Variants in PLET1 observed in about 807,000 individuals in gnomAD.
PLET1 encodes the protein placenta-expressed transcript 1 protein.
PLET1 carries 20 observed loss-of-function variants against 18.5 expected under a neutral mutation model. That is an observed-to-expected ratio of 1.08 (90% confidence interval 0.76 to 1.57). The LOEUF is 1.57. Among genes scored for constraint, PLET1 ranks in the 40% most tolerant of loss-of-function variants. The pLI, the probability that PLET1 is intolerant of heterozygous loss-of-function variation, is 0.00. For missense variants in PLET1, 256 were observed against 246.4 expected (o/e 1.04, Z -0.26); for synonymous variants, 93 against 93.8 (o/e 0.99, Z 0.05).
chr11:112,258,760 C>G (rs1860254061), intron 1 of PLET1, among the ~76,000 whole-genome samples: 1 of 152,194 alleles, frequency 6.6e-6, no homozygotes, highest in Non-Finnish European at 1.5e-5. Context: ...ATCCTCCCTG[C>G]CCTGTCAGGA....
In PLET1 at chr11:112,255,654, G is replaced by C. The variant is rs995190215; in HGVS notation, c.185-65C>G. The C allele has an allele frequency of 9.4e-6, 13 of 1,387,616 alleles. No individual in the cohort carries two copies. The African/African-American group carries it at 1.7e-4, about 18-fold the overall frequency. 86.0% of individuals were successfully genotyped at this position (1,387,616 alleles called of 1,614,324 possible). On this transcript the variant is annotated intron_variant, in intron 1 of 3. Coordinates refer to ENST00000338832, the MANE Select transcript of PLET1 (RefSeq NM_001145024.1). The stretch of plus-strand genomic sequence containing the variant: ...CCTCTGAGCCAAGCTCGAGGGATGA[G>C]GGCAGTGAAATCAAAACAAAGCGTG...
Position 112,255,458 on chromosome 11 carries a change from G to T in PLET1, c.316C>A (p.Gln106Lys). 2 of 1,552,282 alleles carry T rather than the reference G, an allele frequency of 1.3e-6. No individual in the cohort carries two copies. The highest frequency in any genetic ancestry group is 2.4e-5 in the South Asian group (2 of 84,060). ...TGTGCCTCTAAGACCGTCATGTATT[G>T]ATCTTTCACGTAATACGTGGAGTTG... ...YSNSTYYVKD[Q>K]YMTVLEAQWQ... The change falls in exon 2 of 4, where the codon CAA (glutamine) becomes AAA (lysine). Residue 106 changes from glutamine (Q) to lysine (K), a missense_variant. By Grantham distance (53) the Gln-to-Lys change is moderately conservative. Coordinates refer to ENST00000338832, the MANE Select transcript of PLET1 (RefSeq NM_001145024.1).
rs531575607 is a variant in PLET1 at position 112,249,630 on chromosome 11, G to A, written c.449-656C>T. Reference sequence around the variant, plus strand: ...GATCCTGGACAAACTGGAGGTTGGCGGGAATACCTCCAAGACTCTGAGTGG... The same window carrying A: ...GATCCTGGACAAACTGGAGGTTGGCAGGAATACCTCCAAGACTCTGAGTGG... On this transcript the variant is annotated intron_variant, in intron 3 of 3. Transcript: ENST00000338832. 1.2e-4 allele frequency among the ~76,000 whole-genome samples: 18 copies of A among 152,248 alleles called. No homozygotes were observed. The South Asian group carries it at 3.1e-3, about 26-fold the overall frequency.
rs1439457461 is a variant in PLET1, at chr11:112,260,647, C to G, written c.-58G>C. On this transcript the variant is annotated 5_prime_UTR_variant, in exon 1 of 4. Transcript: ENST00000338832. ...GAATTGGGTGAAACTGACAACTCAC[C>G]TCTTGTTTATATGCCAGGGCTTCTG... The G allele has an allele frequency of 6.9e-7, 1 of 1,439,132 alleles. No homozygotes were observed. The highest frequency in any genetic ancestry group is 9.4e-7 in the Non-Finnish European group (1 of 1,061,008). The allele number at this position is 1,439,132 out of a possible 1,614,324, so 89.1% of individuals were successfully genotyped here.
Position 112,248,737 on chromosome 11 carries a change from G to A in PLET1, c.*62C>T, listed in dbSNP as rs1360793863. On this transcript the variant is annotated 3_prime_UTR_variant, in exon 4 of 4. Transcript: ENST00000338832. ...TACACACATTCGGTTCCCAGCACTA[G>A]CTTGGAACTGAATGTAGGAGGATGC... 6.6e-7 allele frequency: 1 copy of A among 1,508,316 alleles called. No individual in the cohort carries two copies. The highest frequency in any genetic ancestry group is 2.0e-5 in the Admixed American group (1 of 49,754). The allele number at this position is 1,508,316 out of a possible 1,614,324, so 93.4% of individuals were successfully genotyped here. A position where few individuals can be genotyped will look rare whatever the true frequency, so the allele number is the denominator to read the frequency against.
chr11:112,257,961 C>T (rs1860241363), intron 1 of PLET1, among the ~76,000 whole-genome samples: 2 of 152,222 alleles, frequency 1.3e-5, no homozygotes, highest in African/African-American at 4.8e-5. Flanking sequence ...ATTTACATCT[C>T]CGTCGGCGAA....
At position 112,255,498 on chromosome 11, in the gene PLET1, A is replaced by G; in HGVS notation, c.276T>C (p.Asp92=). 1.3e-6 allele frequency: 2 copies of G among 1,551,976 alleles called. No homozygotes were observed. The highest frequency in any genetic ancestry group is 8.7e-7 in the Non-Finnish European group (1 of 1,146,972). ...ACGTGGAGTTGCTGTAGCAATTTTT[A>G]TCCGCTCTTTGCCAGAGGCCCGCTG... is the stretch of plus-strand genomic sequence containing the variant. ...SDSAGLWQRA[D]KNCYSNSTYY... Residue 92 remains aspartate (D), a synonymous_variant, in exon 2 of 4, where the codon GAT becomes GAC. Transcript: ENST00000338832.
At chr11:112,258,911 A>G (rs1386070376) in intron 1 of PLET1, among the ~76,000 whole-genome samples, 2 of 152,228 alleles carry the variant, frequency 1.3e-5, no homozygotes, top group Non-Finnish European at 2.9e-5. Context: ...CACCTGCTGA[A>G]GTCTGAGACC....
chr11:112,250,220 C>CCTTT (rs1733095677), intron 3 of PLET1, among the ~76,000 whole-genome samples: 4 of 49,860 alleles, frequency 8.0e-5, no homozygotes, highest in African/African-American at 3.1e-4. Context: ...AGAAACAAAC[C>CCTTT]TTTTTTTTTT....
intron 1 of PLET1, among the ~76,000 whole-genome samples, chr11:112,257,675 G>T (rs1461121910): frequency 6.6e-6 from 1 of 151,988 alleles, no homozygotes; most frequent in Non-Finnish European, 1.5e-5. Context: ...CTGTATTAAG[G>T]GTTTCTTTCA....
At chr11:112,252,610 T>TCCCA (rs1860167742) in intron 2 of PLET1, among the ~76,000 whole-genome samples, 2 of 152,164 alleles carry the variant, frequency 1.3e-5, no homozygotes, top group African/African-American at 4.8e-5. Flanking sequence ...ACACAGCCTC[T>TCCCA]CCCATTCCAA....
chr11:112,249,014 G>A (rs990394937), intron 3 of PLET1, 40 bp from the exon 4 acceptor site: 3 of 1,537,066 alleles, frequency 2.0e-6, no homozygotes, highest in Non-Finnish European at 2.6e-6. Context: ...ACTGGAAAAT[G>A]GCATCGGAAC....
chr11:112,252,789 A>G (rs532645718), intron 2 of PLET1, among the ~76,000 whole-genome samples: 2 of 152,340 alleles, frequency 1.3e-5, no homozygotes, highest in Admixed American at 1.3e-4. Context: ...TAAGCTAGGC[A>G]TGATGCTCTG....
At chr11:112,259,564 C>CAG (rs1566831516) in intron 1 of PLET1, among the ~76,000 whole-genome samples, 2 of 152,208 alleles carry the variant, frequency 1.3e-5, no homozygotes, top group East Asian at 3.8e-4. Context: ...AGTTCTATGA[C>CAG]TTACTAGAAG....
chr11:112,255,634 G>C, intron 1 of PLET1, 45 bp from the exon 2 acceptor site: 2 of 1,505,322 alleles, frequency 1.3e-6, no homozygotes, highest in Non-Finnish European at 1.8e-6. Context: ...TGTTCCCTCT[G>C]AGCCAAGCTC....
chr11:112,253,248 AT>A (rs1860173444), intron 2 of PLET1, among the ~76,000 whole-genome samples: 1 of 152,070 alleles, frequency 6.6e-6, no homozygotes, highest in Admixed American at 6.6e-5. Flanking sequence ...CTCAGTCATT[AT>A]TTCTACATAG....
intron 1 of PLET1, 63 bp downstream of exon 1, chr11:112,260,343 C>T: frequency 1.4e-6 from 2 of 1,436,372 alleles, no homozygotes; most frequent in Non-Finnish European, 1.9e-6. Context: ...GGGGTGTGTT[C>T]TGAAATTCTG....
chr11:112,252,433 G>A, intron 2 of PLET1, 24 bp from the exon 3 acceptor site: 1 of 1,544,948 alleles, frequency 6.5e-7, no homozygotes, highest in Non-Finnish European at 8.8e-7. Flanking sequence ...ATCAATGAGA[G>A]ATAATGCTGA....
chr11:112,254,211 G>GTGTGTGTC (rs1860186550), intron 2 of PLET1, among the ~76,000 whole-genome samples: 1 of 149,366 alleles, frequency 6.7e-6, no homozygotes, highest in South Asian at 2.1e-4. Flanking sequence ...GTGTGTGTGT[G>GTGTGTGTC]TGTGTGTGAA....
Sources: gnomAD v4.1 joint callset for allele counts (sites outside exome capture counted in the v4.1 genomes callset) on GRCh38, gnomAD v4.1.1 for gene constraint, MANE v1.5 for transcripts, NCBI Gene and HGNC (gene_info 2026-07-23, HGNC 2026-07-21) for gene names.